Variants in TRHDE observed in about 807,000 individuals in gnomAD.
TRHDE encodes thyrotropin releasing hormone degrading enzyme.
A neutral mutation model predicts 125.7 loss-of-function variants in TRHDE; 72 were observed. The ratio of observed to expected loss-of-function variants is 0.57; its 90% CI spans 0.47 to 0.70. TRHDE has a LOEUF of 0.70. Among genes scored for constraint, TRHDE ranks in the 30% least tolerant of loss-of-function variants. The probability of loss-of-function intolerance (pLI) is 0.00; values close to 1 mark genes in which losing one functional copy is unlikely to be tolerated. For synonymous variants in TRHDE, 509 were observed against 509.1 expected, an observed-to-expected ratio of 1.00 and a Z score of 0.00; for missense variants, 1,110 against 1,327.1, an observed-to-expected ratio of 0.84 and a Z score of 2.54.
At chr12:72,483,106 A>G (rs1453177998) in intron 5 of TRHDE, among the ~76,000 whole-genome samples, 1 of 151,936 alleles carries the variant, frequency 6.6e-6, no homozygotes, top group East Asian at 1.9e-4. Flanking sequence ...TCTTTCATTT[A>G]ATAAACATTT....
At chr12:72,401,897 TA>T (rs1235865584) in intron 3 of TRHDE, among the ~76,000 whole-genome samples, 10 of 152,206 alleles carry the variant, frequency 6.6e-5, no homozygotes, top group Non-Finnish European at 1.3e-4. Context: ...TTGAACACTT[TA>T]AAATGTTTTT....
intron 2 of TRHDE, among the ~76,000 whole-genome samples, chr12:72,185,372 A>G (rs1343652484): frequency 6.6e-6 from 1 of 152,156 alleles, no homozygotes; most frequent in African/African-American, 2.4e-5. Context: ...CCCGACGAGC[A>G]CCACCCCCTG....
chr12:72,618,818 C>T (rs1200841003), intron 12 of TRHDE, 73 bp from the exon 13 acceptor site: 1 of 1,313,034 alleles, frequency 7.6e-7, no homozygotes, highest in Non-Finnish European at 1.0e-6. Context: ...TTTTGCTTTT[C>T]CGTCTTTTAT....
At chr12:72,116,747 T>C (rs932068776) in intron 2 of TRHDE, among the ~76,000 whole-genome samples, 1 of 151,910 alleles carries the variant, frequency 6.6e-6, no homozygotes, top group Non-Finnish European at 1.5e-5. Flanking sequence ...TTGCAGTTTC[T>C]GGATTTTGCC....
chr12:72,515,169 G>T (rs563643663), intron 6 of TRHDE, among the ~76,000 whole-genome samples: 166 of 132,970 alleles, frequency 1.2e-3, no homozygotes, highest in African/African-American at 5.0e-3. Context: ...GGGATGGCTG[G>T]GTCAAATGGT....
chr12:72,551,469 A>T (rs1300145677), intron 7 of TRHDE, among the ~76,000 whole-genome samples: 1 of 152,160 alleles, frequency 6.6e-6, no homozygotes, highest in Non-Finnish European at 1.5e-5. Context: ...TAACACATAT[A>T]AGTGTTAAAA....
intron 6 of TRHDE, among the ~76,000 whole-genome samples, chr12:72,506,098 A>C: frequency 6.6e-6 from 1 of 152,144 alleles, no homozygotes; most frequent in East Asian, 1.9e-4. Flanking sequence ...CAGGAGTTCA[A>C]CTCAAGTCTG....
At chr12:72,514,150 C>T (rs1387200042) in intron 6 of TRHDE, among the ~76,000 whole-genome samples, 2 of 152,020 alleles carry the variant, frequency 1.3e-5, no homozygotes, top group Non-Finnish European at 2.9e-5. Context: ...TCTAGAAAAG[C>T]CCAACTTCAT....
At chr12:72,546,976 T>C (rs754717772) in intron 7 of TRHDE, among the ~76,000 whole-genome samples, 2 of 151,696 alleles carry the variant, frequency 1.3e-5, no homozygotes, top group South Asian at 4.1e-4. Flanking sequence ...GAACATAAAG[T>C]TGAACCTAAC....
At chr12:72,171,523 A>C (rs1284532289) in intron 2 of TRHDE, among the ~76,000 whole-genome samples, 1 of 152,224 alleles carries the variant, frequency 6.6e-6, no homozygotes, top group Non-Finnish European at 1.5e-5. Context: ...AGATTGGTGG[A>C]CAAAAGGAGA....
rs538823843 is a variant in TRHDE, at chr12:72,564,653, A to ATTTTTTTTTTTTTT, written c.2042+1632_2042+1645dup. 1.3e-3 allele frequency among the ~76,000 whole-genome samples: 71 copies of ATTTTTTTTTTTTTT among 54,314 alleles called. 20 individuals are homozygous for ATTTTTTTTTTTTTT. The highest frequency in any genetic ancestry group is 3.8e-3 in the East Asian group (6 of 1,594). The allele number at this position is 54,314 out of a possible 152,430, so 35.6% of individuals were successfully genotyped here. On this transcript the variant is annotated intron_variant, in intron 9 of 18. Transcript: ENST00000261180. ...TGGAATTATAAAATCATGCGTATGA[A>ATTTTTTTTTTTTTT]TTTTTTTTTTTTTTTTTTTTTTTTT...
intron 2 of TRHDE, among the ~76,000 whole-genome samples, chr12:72,320,071 T>A (rs2135709272): frequency 6.6e-6 from 1 of 152,266 alleles, no homozygotes; most frequent in East Asian, 1.9e-4. Flanking sequence ...GGTTATTTTA[T>A]CTACCCTACT....
rs373330080 is a variant in TRHDE, at chr12:72,252,823, A to G, written n.280-125172A>G. On this transcript the variant is annotated intron_variant and non_coding_transcript_variant, in intron 2 of 4. Coordinates refer to the TRHDE transcript ENST00000548156. ...CTGATTTCTTTCATCAGCATTTGCAATTTTCAGCATCAGATAGTATACATT... is the reference window on the plus strand; with the variant it reads ...CTGATTTCTTTCATCAGCATTTGCAGTTTTCAGCATCAGATAGTATACATT... Among the ~76,000 whole-genome samples, 62 of 152,062 alleles carry G rather than the reference A, an allele frequency of 4.1e-4. No individual in the cohort carries two copies. In the South Asian group the frequency reaches 0.012, roughly 30 times the overall value.
intron 2 of TRHDE, among the ~76,000 whole-genome samples, chr12:72,164,878 C>T (rs1304281640): frequency 3.3e-5 from 5 of 152,100 alleles, no homozygotes; most frequent in Admixed American, 6.5e-5. Flanking sequence ...ATCTCTGGGC[C>T]GGCCACTTCC....
chr12:72,285,915 A>T (rs1451029666), intron 1 of TRHDE, among the ~76,000 whole-genome samples: 2 of 152,200 alleles, frequency 1.3e-5, no homozygotes, highest in Non-Finnish European at 2.9e-5. Flanking sequence ...TTTTAATAAG[A>T]TACGGCTTGA....
intron 3 of TRHDE, among the ~76,000 whole-genome samples, chr12:72,457,303 G>A (rs1176825830): frequency 6.6e-6 from 1 of 152,110 alleles, no homozygotes; most frequent in Non-Finnish European, 1.5e-5. Context: ...GTAACACTAT[G>A]TCATCATATT....
chr12:72,486,871 T>A (rs1325810707), intron 5 of TRHDE, among the ~76,000 whole-genome samples: 1 of 151,878 alleles, frequency 6.6e-6, no homozygotes, highest in African/African-American at 2.4e-5. Context: ...TTAGGGAAAC[T>A]CAACAACATA....
Position 72,656,991 on chromosome 12 carries a change from G to A in TRHDE, c.3049G>A (p.Glu1017Lys), listed in dbSNP as rs750417544. 1 of 1,602,514 alleles carries A rather than the reference G, an allele frequency of 6.2e-7. No individual in the cohort carries two copies. Among genetic ancestry groups the A allele is most frequent in the Non-Finnish European group, 8.5e-7 (1 of 1,170,584 alleles). The change falls in exon 18 of 19, where the codon GAA (glutamate) becomes AAA (lysine). Residue 1017 changes from glutamate (E) to lysine (K), a missense_variant. Transcript: ENST00000261180. ...ISGVTEFLNT[E>K]GELKELKNFM... ...TGGTGTCACAGAATTTCTTAATACT[G>A]AAGGTGAACTCAAAGAGGTAAATAT... is the stretch of plus-strand genomic sequence containing the variant.
chr12:72,244,378 C>T, intron 2 of TRHDE, among the ~76,000 whole-genome samples: 1 of 152,078 alleles, frequency 6.6e-6, no homozygotes, highest in East Asian at 1.9e-4. Context: ...AGTTCAGCTC[C>T]TAATAATGGC....
Sources: allele counts gnomAD v4.1 joint callset (sites outside exome capture counted in the v4.1 genomes callset), GRCh38; gene constraint gnomAD v4.1.1; transcripts MANE v1.5; gene names NCBI Gene and HGNC (gene_info 2026-07-23, HGNC 2026-07-21).